Variants in DENND4C observed in about 807,000 individuals in gnomAD.
DENND4C encodes DENN domain containing 4C, also known as DENN domain-containing protein 4C.
DENND4C carries 108 observed loss-of-function variants against 203.0 expected under a neutral mutation model. The ratio of observed to expected loss-of-function variants is 0.53; its 90% CI spans 0.46 to 0.62. DENND4C has a LOEUF of 0.62. Ranked by LOEUF, DENND4C falls within the 20% of genes least tolerant of loss-of-function variation. DENND4C has a pLI of 0.00. For synonymous variants in DENND4C, 871 were observed against 792.4 expected (o/e 1.10, Z -1.67); for missense variants, 2,481 against 2,301.2 (o/e 1.08, Z -1.60).
At chr9:19,338,559 G>A (rs899487018) in intron 20 of DENND4C, among the ~76,000 whole-genome samples, 3 of 152,260 alleles carry the variant, frequency 2.0e-5, no homozygotes, top group South Asian at 2.1e-4. Flanking sequence ...AACTTCTGGC[G>A]ATGCCATTTG....
At chr9:19,256,239 T>C (rs888423628) in intron 1 of DENND4C, among the ~76,000 whole-genome samples, 1 of 151,922 alleles carries the variant, frequency 6.6e-6, no homozygotes, top group Non-Finnish European at 1.5e-5. Context: ...AAGTACTGAA[T>C]TTGGAAACTG....
chr9:19,356,814 A>AGAGAGAGAGAGTGAGAGAGT (rs1563837888), intron 26 of DENND4C, among the ~76,000 whole-genome samples, 158 bp from the exon 27 acceptor site: 7 of 151,540 alleles, frequency 4.6e-5, no homozygotes, highest in African/African-American at 1.7e-4. Context: ...AGAGAGAGAG[A>AGAGAGAGAGAGTGAGAGAGT]GAGTGAGAGT....
At chr9:19,253,341 C>T (rs1306122879) in intron 1 of DENND4C, among the ~76,000 whole-genome samples, 1 of 152,206 alleles carries the variant, frequency 6.6e-6, no homozygotes, top group African/African-American at 2.4e-5. Flanking sequence ...GCCTTTTAGG[C>T]ATTTGTTATT....
chr9:19,363,292 G>A (rs1340332696), intron 30 of DENND4C, among the ~76,000 whole-genome samples: 4 of 151,896 alleles, frequency 2.6e-5, no homozygotes, highest in Non-Finnish European at 4.4e-5. Context: ...AGGGCGGGTG[G>A]ATCACGAGGT....
At chr9:19,252,894 C>T (rs956157978) in intron 1 of DENND4C, among the ~76,000 whole-genome samples, 4 of 152,146 alleles carry the variant, frequency 2.6e-5, no homozygotes, top group Non-Finnish European at 4.4e-5. Context: ...AGCCGCCACA[C>T]CTGGCTAATT....
In DENND4C at chr9:19,346,504, T is replaced by C. The variant is rs756620410; in HGVS notation, c.3735T>C (p.Asp1245=). 2 of 1,614,154 alleles carry C rather than the reference T, an allele frequency of 1.2e-6. No individual in the cohort carries two copies. Among genetic ancestry groups the C allele is most frequent in the East Asian group, 2.2e-5 (1 of 44,874 alleles). ...YGIAKVVQRE[D]VETGLDPLSL... Reference sequence around the variant, plus strand: ...TTGCTAAGGTGGTTCAGAGGGAAGATGTTGAAACTGGACTAGATCCTTTGT... The same window carrying C: ...TTGCTAAGGTGGTTCAGAGGGAAGACGTTGAAACTGGACTAGATCCTTTGT... Residue 1245 remains aspartate, a synonymous_variant, in exon 23 of 33, where the codon GAT becomes GAC. Transcript: ENST00000434457.
intron 5 of DENND4C, chr9:19,292,170 T>A: frequency 6.6e-6 from 1 of 151,726 alleles, no homozygotes; most frequent in East Asian, 1.9e-4. Context: ...ATTACAGGTG[T>A]GCGTCACCAC....
intron 1 of DENND4C, among the ~76,000 whole-genome samples, chr9:19,260,481 T>A (rs1040109342): frequency 6.6e-6 from 1 of 152,118 alleles, no homozygotes; most frequent in Non-Finnish European, 1.5e-5. Flanking sequence ...TACTGCAACC[T>A]CCACCTCCTG....
intron 1 of DENND4C, among the ~76,000 whole-genome samples, chr9:19,272,706 G>C (rs561705201): frequency 7.2e-5 from 11 of 152,230 alleles, no homozygotes; most frequent in Non-Finnish European, 1.0e-4. Flanking sequence ...AAAACATTTA[G>C]AAGAAAATGT....
At chr9:19,263,366 G>GT (rs1231754960) in intron 1 of DENND4C, among the ~76,000 whole-genome samples, 1 of 151,834 alleles carries the variant, frequency 6.6e-6, no homozygotes, top group South Asian at 2.1e-4. Context: ...TTGTTTATTT[G>GT]TTTTTTTGAG....
At chr9:19,326,466 G>A (rs1817858331) in intron 15 of DENND4C, among the ~76,000 whole-genome samples, 1 of 151,958 alleles carries the variant, frequency 6.6e-6, no homozygotes, top group South Asian at 2.1e-4. Context: ...CTTTTATGAG[G>A]CTCCCTGCTC....
intron 30 of DENND4C, among the ~76,000 whole-genome samples, chr9:19,364,233 C>T (rs1827139936): frequency 6.6e-6 from 1 of 151,738 alleles, no homozygotes; most frequent in Admixed American, 6.6e-5. Context: ...TTGTAACTGT[C>T]AGGTTGGCAA....
At chr9:19,321,306 T>A (rs1036913322) in intron 12 of DENND4C, among the ~76,000 whole-genome samples, 27 of 152,142 alleles carry the variant, frequency 1.8e-4, no homozygotes, top group African/African-American at 5.8e-4. Context: ...GTGATTTTTT[T>A]AGGAATTAGA....
intron 30 of DENND4C, 49 bp downstream of exon 30, chr9:19,362,012 A>G: frequency 8.4e-7 from 1 of 1,188,304 alleles, no homozygotes; most frequent in Non-Finnish European, 1.2e-6. Context: ...AGTGGCTCGC[A>G]CCTGTAATGC....
At chr9:19,289,055 G>T (rs1298207821) in intron 4 of DENND4C, among the ~76,000 whole-genome samples, 1 of 152,048 alleles carries the variant, frequency 6.6e-6, no homozygotes, top group Non-Finnish European at 1.5e-5. Flanking sequence ...ATCTCTTTGT[G>T]TCTGATTTGA....
chr9:19,245,265 G>C (rs1285293734), intron 1 of DENND4C, among the ~76,000 whole-genome samples: 1 of 151,340 alleles, frequency 6.6e-6, no homozygotes, highest in East Asian at 2.0e-4. Context: ...TCAGGAGATC[G>C]AGACCATCCT....
chr9:19,349,047 C>G (rs1823526998), intron 23 of DENND4C, among the ~76,000 whole-genome samples: 1 of 152,122 alleles, frequency 6.6e-6, no homozygotes, highest in South Asian at 2.1e-4. Flanking sequence ...CTCAAGTGTT[C>G]CTAGGTCTCC....
chr9:19,336,230 T>A, intron 18 of DENND4C, 40 bp from the exon 19 acceptor site: 5 of 1,583,220 alleles, frequency 3.2e-6, no homozygotes, highest in Non-Finnish European at 4.3e-6. Flanking sequence ...AAATCAGATA[T>A]TGCTAATGAA....
intron 12 of DENND4C, among the ~76,000 whole-genome samples, chr9:19,319,773 A>T (rs1030443847): frequency 6.6e-6 from 1 of 152,124 alleles, no homozygotes; most frequent in Non-Finnish European, 1.5e-5. Context: ...AATACTAACT[A>T]TCTTAATAAG....
Sources: gnomAD v4.1 joint callset for allele counts (sites outside exome capture counted in the v4.1 genomes callset) on GRCh38, gnomAD v4.1.1 for gene constraint, MANE v1.5 for transcripts, NCBI Gene and HGNC (gene_info 2026-07-23, HGNC 2026-07-21) for gene names.